PDE4D: variants seen among roughly 807,000 people sequenced by gnomAD.
PDE4D encodes the protein 3',5'-cyclic-AMP phosphodiesterase 4D.
Under a neutral mutation model 87.4 loss-of-function variants are expected in PDE4D, and 24 were observed. The ratio of observed to expected loss-of-function variants is 0.27; its 90% CI spans 0.20 to 0.39. The LOEUF (loss-of-function observed/expected upper bound fraction) is 0.39, where lower values mean the gene tolerates loss of function less well. PDE4D is among the 10% of genes least tolerant of loss of function. PDE4D has a pLI of 1.00. For missense variants in PDE4D, 714 were observed against 1,041.0 expected, an observed-to-expected ratio of 0.69 and a Z score of 4.32; for synonymous variants, 384 against 383.2, an observed-to-expected ratio of 1.00 and a Z score of -0.02.
chr5:60,235,816 T>C, intron 1 of PDE4D, among the ~76,000 whole-genome samples: 1 of 152,022 alleles, frequency 6.6e-6, no homozygotes, highest in Admixed American at 6.6e-5. Flanking sequence ...GATTTTAAAA[T>C]ATTTCAATAT....
At chr5:59,507,498 C>T (rs1157383728) in intron 1 of PDE4D, among the ~76,000 whole-genome samples, 3 of 151,002 alleles carry the variant, frequency 2.0e-5, no homozygotes, top group South Asian at 2.1e-4. Flanking sequence ...CCAGTCTATA[C>T]AAAAAAATAA....
At chr5:59,039,918 C>T (rs1406207927) in intron 5 of PDE4D, 1 of 152,362 alleles carries the variant, frequency 6.6e-6, no homozygotes, top group Non-Finnish European at 1.5e-5. Flanking sequence ...CCGCGGGGCT[C>T]AGGAGGGACC....
intron 1 of PDE4D, among the ~76,000 whole-genome samples, chr5:60,249,020 T>A (rs1432785157): frequency 6.6e-6 from 1 of 152,026 alleles, no homozygotes; most frequent in Non-Finnish European, 1.5e-5. Context: ...TGCCAAAGAC[T>A]GTAACTTGTG....
intron 1 of PDE4D, among the ~76,000 whole-genome samples, chr5:60,306,013 A>G (rs1754469558): frequency 6.6e-6 from 1 of 152,142 alleles, no homozygotes; most frequent in Non-Finnish European, 1.5e-5. Context: ...GATTCTTCAA[A>G]TCAAGAAAAT....
chr5:59,753,375 G>GT (rs1166842665), intron 1 of PDE4D, among the ~76,000 whole-genome samples: 1 of 152,026 alleles, frequency 6.6e-6, no homozygotes, highest in Non-Finnish European at 1.5e-5. Context: ...ATTTTTTCTG[G>GT]TTTTTTGGGA....
chr5:60,425,602 C>G (rs897024815), intron 1 of PDE4D, among the ~76,000 whole-genome samples: 7 of 152,210 alleles, frequency 4.6e-5, no homozygotes, highest in African/African-American at 1.7e-4. Context: ...TAGGCAATAC[C>G]ATTCAGGACA....
intron 2 of PDE4D, among the ~76,000 whole-genome samples, chr5:60,178,740 T>C (rs2149494768): frequency 6.6e-6 from 1 of 152,308 alleles, no homozygotes; most frequent in East Asian, 1.9e-4. Flanking sequence ...ATTGTTTAGG[T>C]TGTGGTACTG....
intron 1 of PDE4D, among the ~76,000 whole-genome samples, chr5:60,252,393 T>G (rs1748576630): frequency 8.3e-6 from 1 of 119,956 alleles, no homozygotes; most frequent in Non-Finnish European, 1.7e-5. Flanking sequence ...ACAGCACACT[T>G]TTTTACTTTT....
Position 60,296,101 on chromosome 5 carries a change from C to T in PDE4D, c.-89-110414G>A, listed in dbSNP as rs369130761. Among the ~76,000 whole-genome samples, 149 of 152,232 alleles carry T rather than the reference C, an allele frequency of 9.8e-4. 1 individual carries two copies. Among genetic ancestry groups the T allele is most frequent in the African/African-American group, 3.5e-3 (145 of 41,532 alleles). ...ATTCATGAGGATCACCTAAACACCCCCTAGAGGCCTCAACTCCTAATACAA... is the reference window on the plus strand; with the variant it reads ...ATTCATGAGGATCACCTAAACACCCTCTAGAGGCCTCAACTCCTAATACAA... On this transcript the variant is annotated intron_variant, in intron 1 of 16. Coordinates refer to the PDE4D transcript ENST00000502484.
intron 6 of PDE4D, among the ~76,000 whole-genome samples, chr5:59,023,734 G>A (rs996939349): frequency 1.3e-5 from 2 of 152,028 alleles, no homozygotes; most frequent in Non-Finnish European, 2.9e-5. Context: ...TAAGGTTTGA[G>A]GTATGAGAAA....
At chr5:59,706,097 CA>C (rs1248787182) in intron 1 of PDE4D, among the ~76,000 whole-genome samples, 1 of 152,146 alleles carries the variant, frequency 6.6e-6, no homozygotes, top group Non-Finnish European at 1.5e-5. Flanking sequence ...TCAAGAATGA[CA>C]AAAACGAAAT....
intron 1 of PDE4D, among the ~76,000 whole-genome samples, chr5:59,888,005 A>G (rs1372741065): frequency 6.6e-6 from 1 of 152,214 alleles, no homozygotes. Context: ...GCAGTAAACT[A>G]GTTGTGTTAA....
intron 3 of PDE4D, among the ~76,000 whole-genome samples, chr5:59,902,874 T>C (rs972928717): frequency 6.6e-6 from 1 of 152,154 alleles, no homozygotes; most frequent in Non-Finnish European, 1.5e-5. Flanking sequence ...AGCACAAAAT[T>C]TGGGGAACCT....
rs1761537363 is a variant in PDE4D at position 59,259,271 on chromosome 5, C to A, written c.456-43303G>T. Among the ~76,000 whole-genome samples, 3 of 151,766 alleles carry A rather than the reference C, an allele frequency of 2.0e-5. No individual in the cohort carries two copies. In the South Asian group the frequency reaches 6.2e-4, roughly 31 times the overall value. On this transcript the variant is annotated intron_variant, in intron 1 of 14. Transcript: ENST00000340635. The stretch of plus-strand genomic sequence containing the variant: ...ACATTCACAGAAACCCTATGGGTAG[C>A]TTTTCCCCCTTGTCCAAAATCACCC...
chr5:60,392,882 A>C (rs930164073), intron 1 of PDE4D, among the ~76,000 whole-genome samples: 3 of 152,100 alleles, frequency 2.0e-5, no homozygotes. Flanking sequence ...AGTTCCCCTA[A>C]GAAGGATACC....
At chr5:60,003,105 T>G (rs976828366) in intron 2 of PDE4D, among the ~76,000 whole-genome samples, 18 of 152,252 alleles carry the variant, frequency 1.2e-4, no homozygotes, top group Admixed American at 3.9e-4. Flanking sequence ...TTCTATATAC[T>G]AACAATAAAC....
At chr5:59,207,567 G>C (rs1749075869) in intron 2 of PDE4D, among the ~76,000 whole-genome samples, 1 of 151,882 alleles carries the variant, frequency 6.6e-6, no homozygotes, top group African/African-American at 2.4e-5. Flanking sequence ...GCATTCTTTT[G>C]GTATGCACTG....
chr5:59,327,074 T>C (rs904185823), intron 1 of PDE4D, among the ~76,000 whole-genome samples: 1 of 151,538 alleles, frequency 6.6e-6, no homozygotes, highest in Admixed American at 6.6e-5. Flanking sequence ...GAAATATCTA[T>C]GGAATGAATG....
chr5:59,969,792 C>T (rs1257480996), intron 3 of PDE4D, among the ~76,000 whole-genome samples: 1 of 152,188 alleles, frequency 6.6e-6, no homozygotes, highest in African/African-American at 2.4e-5. Context: ...GAAGGGTTTG[C>T]TTCCCCTTCT....
Sources: allele counts gnomAD v4.1 joint callset (sites outside exome capture counted in the v4.1 genomes callset), GRCh38; gene constraint gnomAD v4.1.1; transcripts MANE v1.5; gene names NCBI Gene and HGNC (gene_info 2026-07-23, HGNC 2026-07-21).